Variants in DGKB observed in about 807,000 individuals in gnomAD.
DGKB encodes the protein diacylglycerol kinase beta.
A neutral mutation model predicts 114.3 loss-of-function variants in DGKB; 67 were observed. That is an observed-to-expected ratio of 0.59 (90% CI 0.48 to 0.72). DGKB has a LOEUF of 0.72. Ranked by LOEUF, DGKB falls within the 30% of genes least tolerant of loss-of-function variation. DGKB has a pLI of 0.00. For missense variants in DGKB, 907 were observed against 975.2 expected, an observed-to-expected ratio of 0.93 and a Z score of 0.93; for synonymous variants, 398 against 323.1, an observed-to-expected ratio of 1.23 and a Z score of -2.49.
chr7:14,663,340 A>G (rs1327189175), intron 13 of DGKB, among the ~76,000 whole-genome samples: 4 of 151,962 alleles, frequency 2.6e-5, no homozygotes, highest in Admixed American at 2.6e-4. Context: ...TAGGTGGTTT[A>G]TCAATAGACT....
intron 21 of DGKB, among the ~76,000 whole-genome samples, chr7:14,392,774 T>C (rs565386813): frequency 2.2e-4 from 33 of 152,020 alleles, no homozygotes; most frequent in Non-Finnish European, 4.3e-4. Flanking sequence ...TAACAAACAA[T>C]TACAATGAAT....
intron 20 of DGKB, among the ~76,000 whole-genome samples, chr7:14,500,054 C>T (rs1785906541): frequency 6.6e-6 from 1 of 151,830 alleles, no homozygotes. Flanking sequence ...AGTTAATATT[C>T]ACAAATTCGT....
At chr7:14,549,619 A>G (rs547855046) in intron 20 of DGKB, among the ~76,000 whole-genome samples, 2 of 152,334 alleles carry the variant, frequency 1.3e-5, no homozygotes, top group Non-Finnish European at 2.9e-5. Context: ...GCAGGGAACA[A>G]TAACACTGAA....
chr7:14,701,264 G>A (rs111725458), intron 7 of DGKB, among the ~76,000 whole-genome samples: 2 of 152,190 alleles, frequency 1.3e-5, no homozygotes, highest in African/African-American at 2.4e-5. Flanking sequence ...GGAAAATAAT[G>A]AGATAATTAA....
intron 9 of DGKB, among the ~76,000 whole-genome samples, chr7:14,686,427 A>G (rs973378393): frequency 6.6e-6 from 1 of 152,190 alleles, no homozygotes; most frequent in African/African-American, 2.4e-5. Context: ...AAACAGATTA[A>G]CATTTATTGG....
chr7:14,274,184 G>T (rs1317572570), intron 23 of DGKB, among the ~76,000 whole-genome samples: 3 of 152,206 alleles, frequency 2.0e-5, no homozygotes, highest in African/African-American at 7.2e-5. Flanking sequence ...CTCCTCAAAA[G>T]AATGTGACAG....
At chr7:14,316,201 C>G (rs1012580945) in intron 23 of DGKB, among the ~76,000 whole-genome samples, 4 of 152,064 alleles carry the variant, frequency 2.6e-5, no homozygotes, top group South Asian at 4.2e-4. Context: ...AAAACTGACA[C>G]CCTAACATCA....
intron 3 of DGKB, among the ~76,000 whole-genome samples, chr7:14,755,163 T>A (rs1280893542): frequency 2.0e-5 from 3 of 152,192 alleles, no homozygotes; most frequent in African/African-American, 7.2e-5. Flanking sequence ...CTTATTCATT[T>A]CTTCAAGGAA....
chr7:14,799,853 T>C (rs1024280928), intron 2 of DGKB, among the ~76,000 whole-genome samples: 2 of 152,150 alleles, frequency 1.3e-5, no homozygotes, highest in Admixed American at 6.6e-5. Flanking sequence ...TAGAATTCTA[T>C]TGGTGAAGCA....
chr7:14,291,653 A>G (rs1432278755), intron 23 of DGKB, among the ~76,000 whole-genome samples: 1 of 152,152 alleles, frequency 6.6e-6, no homozygotes, highest in Non-Finnish European at 1.5e-5. Context: ...TTTCAATGTA[A>G]TCACTTTTAC....
chr7:14,697,837 A>C (rs1824294294), intron 8 of DGKB, among the ~76,000 whole-genome samples: 1 of 147,750 alleles, frequency 6.8e-6, no homozygotes, highest in Admixed American at 6.7e-5. Flanking sequence ...AGAGAGAAGG[A>C]AGGAAGGGAG....
intron 23 of DGKB, among the ~76,000 whole-genome samples, chr7:14,206,079 C>T (rs559907302): frequency 2.0e-5 from 3 of 152,000 alleles, no homozygotes; most frequent in East Asian, 3.9e-4. Context: ...AATGTAAATT[C>T]TCTTAAAACT....
chr7:14,881,474 A>G (rs1478639113), intron 1 of DGKB, among the ~76,000 whole-genome samples: 2 of 152,174 alleles, frequency 1.3e-5, no homozygotes, highest in South Asian at 2.1e-4. Context: ...TTAAATTTCT[A>G]TATAACAAAA....
At chr7:14,247,900 T>C (rs1232752327) in intron 23 of DGKB, among the ~76,000 whole-genome samples, 1 of 152,072 alleles carries the variant, frequency 6.6e-6, no homozygotes, top group Non-Finnish European at 1.5e-5. Context: ...CTTTTGGGAT[T>C]ATAGCCAAAA....
intron 23 of DGKB, among the ~76,000 whole-genome samples, chr7:14,236,330 T>G (rs1792768850): frequency 7.0e-6 from 1 of 143,748 alleles, no homozygotes; most frequent in South Asian, 2.2e-4. Context: ...ATGGAGAGTA[T>G]TCATTCCAAT....
chr7:14,920,738 A>G (rs1784473165), intron 1 of DGKB, among the ~76,000 whole-genome samples: 1 of 152,204 alleles, frequency 6.6e-6, no homozygotes. Flanking sequence ...AAAAACTGAA[A>G]GCAACCAAGA....
intron 1 of DGKB, among the ~76,000 whole-genome samples, chr7:14,933,889 TA>T (rs566032963): frequency 0.013 from 2,015 of 152,072 alleles, 21 homozygotes; most frequent in Middle Eastern, 0.037. Context: ...TGCTTTTTTT[TA>T]AATCAATTAT....
intron 21 of DGKB, among the ~76,000 whole-genome samples, chr7:14,379,623 G>C (rs756881921): frequency 6.6e-6 from 1 of 151,836 alleles, no homozygotes; most frequent in African/African-American, 2.4e-5. Flanking sequence ...GCAGTGGCAC[G>C]ATCTCGGCTC....
Position 14,153,202 on chromosome 7 carries a change from T to G in DGKB, c.2305-3964A>C, listed in dbSNP as rs371558497. ...TTCAGCTCGTTGGTGATTTCTTTCTTGCTTCCCTGTCTTCCAGCATCAAAT... is the reference window on the plus strand; with the variant it reads ...TTCAGCTCGTTGGTGATTTCTTTCTGGCTTCCCTGTCTTCCAGCATCAAAT... On this transcript the variant is annotated intron_variant, in intron 25 of 25. Transcript: ENST00000402815. Among the ~76,000 whole-genome samples, 7 of 152,232 alleles carry G rather than the reference T, an allele frequency of 4.6e-5. No homozygotes were observed. The East Asian group carries it at 1.2e-3, about 25-fold the overall frequency.
Sources: gnomAD v4.1 joint callset for allele counts (sites outside exome capture counted in the v4.1 genomes callset) on GRCh38, gnomAD v4.1.1 for gene constraint, MANE v1.5 for transcripts, NCBI Gene and HGNC (gene_info 2026-07-23, HGNC 2026-07-21) for gene names.